Variants in CAVIN1 observed in about 807,000 individuals in gnomAD.
CAVIN1 encodes the protein caveolae associated protein 1.
CAVIN1 carries 16 observed loss-of-function variants against 24.0 expected under a neutral mutation model. The observed-to-expected ratio is 0.67, with a 90% CI of 0.45 to 1.01. The LOEUF (loss-of-function observed/expected upper bound fraction) is 1.01, where lower values mean the gene tolerates loss of function less well. Among genes scored for constraint, CAVIN1 ranks in the 50% least tolerant of loss-of-function variants. The pLI is 0.00. For missense variants in CAVIN1, 510 were observed against 551.7 expected (o/e 0.92, Z 0.76); for synonymous variants, 256 against 256.4 (o/e 1.00, Z 0.02).
chr17:42,407,860 CTT>C (rs1427500837), intron 1 of CAVIN1, among the ~76,000 whole-genome samples: 5 of 152,144 alleles, frequency 3.3e-5, no homozygotes, highest in Non-Finnish European at 1.5e-5. Flanking sequence ...CTCAACTTCT[CTT>C]TGCATTCCCT....
chr17:42,408,596 A>G (rs529368168), intron 1 of CAVIN1, among the ~76,000 whole-genome samples: 13 of 151,748 alleles, frequency 8.6e-5, no homozygotes, highest in African/African-American at 2.9e-4. Context: ...GGTTCAAGCA[A>G]TTCTCCTGCC....
At position 42,408,510 on chromosome 17, in the gene CAVIN1, A is replaced by G. The variant is rs2085458434; in HGVS notation, c.472-3122T>C. Among the ~76,000 whole-genome samples the G allele has an allele frequency of 2.6e-5, 4 of 151,630 alleles. No individual in the cohort carries two copies. In the East Asian group the frequency reaches 5.8e-4, roughly 22 times the overall value. ...TTTTTTAGTTTTTTTGTTTTTTTTG[A>G]GATGGAGTTTTGCTCTTGCTCCCCA... On this transcript the variant is annotated intron_variant, in intron 1 of 1. Transcript: ENST00000357037.
At chr17:42,411,719 G>A in intron 1 of CAVIN1, 1 of 985,448 alleles carries the variant, frequency 1.0e-6, no homozygotes, top group South Asian at 4.7e-5. Context: ...TCAGGAGGAG[G>A]CAGCAGGGGG....
chr17:42,411,207 A>AAAAAAAAC (rs758609413), intron 1 of CAVIN1, among the ~76,000 whole-genome samples: 7 of 127,616 alleles, frequency 5.5e-5, no homozygotes, highest in Non-Finnish European at 1.2e-4. Flanking sequence ...AAAAAAAAAA[A>AAAAAAAAC]AACTAAAAGG....
chr17:42,406,470 G>A (rs2085447450), intron 1 of CAVIN1, among the ~76,000 whole-genome samples: 1 of 151,830 alleles, frequency 6.6e-6, no homozygotes, highest in Non-Finnish European at 1.5e-5. Flanking sequence ...TGCCTCCCAG[G>A]TTCAAGCAAT....
rs934919860 is a variant in CAVIN1 at position 42,413,533 on chromosome 17, T to C, written c.472-8145A>G. Among the ~76,000 whole-genome samples the C allele has an allele frequency of 3.3e-5, 4 of 121,370 alleles. No homozygotes were observed. In the South Asian group the frequency reaches 1.1e-3, roughly 33 times the overall value. The allele number at this position is 121,370 out of a possible 152,430, so 79.6% of individuals were successfully genotyped here. A position where few individuals can be genotyped will look rare whatever the true frequency, so the allele number is the denominator to read the frequency against. On this transcript the variant is annotated intron_variant, in intron 1 of 1. Transcript: ENST00000357037. ...GAGGTCCAGCCACTTCACTCTAGCC[T>C]GGGCGACAGAGCAAAAGTCTGTCTC... is the stretch of plus-strand genomic sequence containing the variant.
rs2085428262 is a variant in CAVIN1 at position 42,404,258 on chromosome 17, C to CT, written c.*428dup. On this transcript the variant is annotated 3_prime_UTR_variant, in exon 2 of 2. Coordinates refer to ENST00000357037, the MANE Select transcript of CAVIN1 (RefSeq NM_012232.6). ...TCCCCTTTAGGATTCAATCTTTCCT[C>CT]TTTGGGCAGTTTTGGCTTTGAGTCC... The CT allele has an allele frequency of 6.3e-6, 1 of 158,196 alleles. No homozygotes were observed. The highest frequency in any genetic ancestry group is 1.4e-5 in the Non-Finnish European group (1 of 72,292). The allele number at this position is 158,196 out of a possible 1,614,324, so 9.8% of individuals were successfully genotyped here.
chr17:42,404,499 G>T lies in CAVIN1; in HGVS notation c.*188C>A, dbSNP rs554958297. Reference sequence around the variant, plus strand: ...CTCGGACTGTGTCCAAGCGGGGGTTGTCCACTGCGGGGGCTGCCTCCCCAT... The same window carrying T: ...CTCGGACTGTGTCCAAGCGGGGGTTTTCCACTGCGGGGGCTGCCTCCCCAT... On this transcript the variant is annotated 3_prime_UTR_variant, in exon 2 of 2. Transcript: ENST00000357037. The T allele has an allele frequency of 2.1e-4, 99 of 471,524 alleles. No homozygotes were observed. The highest frequency in any genetic ancestry group is 1.9e-3 in the African/African-American group (91 of 47,786). The allele number at this position is 471,524 out of a possible 1,614,324, so 29.2% of individuals were successfully genotyped here.
chr17:42,405,829 AG>A (rs1386191449), intron 1 of CAVIN1, among the ~76,000 whole-genome samples: 1 of 151,708 alleles, frequency 6.6e-6, no homozygotes, highest in African/African-American at 2.4e-5. Flanking sequence ...CTGGGATTAC[AG>A]GCGCCCGCCA....
intron 1 of CAVIN1, among the ~76,000 whole-genome samples, chr17:42,414,877 C>T (rs962984676): frequency 4.0e-5 from 6 of 151,824 alleles, no homozygotes; most frequent in Admixed American, 1.3e-4. Flanking sequence ...CAGGGCACAC[C>T]ACGGCTGACC....
At chr17:42,409,603 G>A (rs577277306) in intron 1 of CAVIN1, among the ~76,000 whole-genome samples, 2 of 152,130 alleles carry the variant, frequency 1.3e-5, no homozygotes, top group African/African-American at 4.8e-5. Flanking sequence ...CTCTGGAGAG[G>A]GTATTTCACC....
intron 1 of CAVIN1, chr17:42,412,331 A>G: frequency 1.0e-6 from 1 of 974,186 alleles, no homozygotes; most frequent in Non-Finnish European, 1.2e-6. Flanking sequence ...GGTGGCATGC[A>G]GAGTAGGGGC....
In CAVIN1 at chr17:42,404,034, A is replaced by G. The variant is rs2085427048; in HGVS notation, c.*653T>C. 2 of 152,662 alleles carry G rather than the reference A, an allele frequency of 1.3e-5. No homozygotes were observed. Among genetic ancestry groups the G allele is most frequent in the Non-Finnish European group, 2.9e-5 (2 of 68,380 alleles). 9.5% of individuals were successfully genotyped at this position (152,662 alleles called of 1,614,324 possible). ...AACACATCAGTGTGCCATCCCTCAC[A>G]TGCATGTCGTTCCCCACCCCTCCTT... is the stretch of plus-strand genomic sequence containing the variant. On this transcript the variant is annotated 3_prime_UTR_variant, in exon 2 of 2. Coordinates refer to ENST00000357037, the MANE Select transcript of CAVIN1 (RefSeq NM_012232.6).
At chr17:42,414,420 T>C (rs2145481672) in intron 1 of CAVIN1, among the ~76,000 whole-genome samples, 1 of 152,144 alleles carries the variant, frequency 6.6e-6, no homozygotes, top group East Asian at 1.9e-4. Context: ...TATTTTTTTT[T>C]TTAAGATAGA....
intron 1 of CAVIN1, among the ~76,000 whole-genome samples, chr17:42,409,361 A>G (rs1325698941): frequency 6.6e-6 from 1 of 152,140 alleles, no homozygotes; most frequent in African/African-American, 2.4e-5. Flanking sequence ...TCGGCCTCCC[A>G]AAGTGCTGAG....
chr17:42,404,677 C>A lies in CAVIN1; in HGVS notation c.*10G>T. ...GAGCGAGGAATGGGGTGGGTGGCAG[C>A]GGGGGCGGCTCAGTCGCTGTCGCTC... On this transcript the variant is annotated 3_prime_UTR_variant, in exon 2 of 2. Coordinates refer to ENST00000357037, the MANE Select transcript of CAVIN1 (RefSeq NM_012232.6). 7.0e-7 allele frequency: 1 copy of A among 1,429,004 alleles called. No individual in the cohort carries two copies. The allele number at this position is 1,429,004 out of a possible 1,614,324, so 88.5% of individuals were successfully genotyped here. A position where few individuals can be genotyped will look rare whatever the true frequency, so the allele number is the denominator to read the frequency against.
intron 1 of CAVIN1, among the ~76,000 whole-genome samples, chr17:42,405,695 T>TTTG (rs1555586092): frequency 3.0e-5 from 4 of 134,292 alleles, no homozygotes; most frequent in African/African-American, 1.1e-4. Flanking sequence ...TTTTTTTTTT[T>TTTG]TTTTTTTTTT....
At chr17:42,422,505 G>T in intron 1 of CAVIN1, 122 bp downstream of exon 1, 3 of 185,318 alleles carry the variant, frequency 1.6e-5, no homozygotes, top group South Asian at 7.7e-5. Context: ...TGGATCTGCC[G>T]GGCGCCCGGG....
chr17:42,408,268 C>A (rs988271182), intron 1 of CAVIN1, among the ~76,000 whole-genome samples: 2 of 151,940 alleles, frequency 1.3e-5, no homozygotes, highest in Non-Finnish European at 2.9e-5. Context: ...TCTCCCCTAC[C>A]CCTGCTGCCT....
Sources: gnomAD v4.1 joint callset for allele counts (sites outside exome capture counted in the v4.1 genomes callset) on GRCh38, gnomAD v4.1.1 for gene constraint, MANE v1.5 for transcripts, NCBI Gene and HGNC (gene_info 2026-07-23, HGNC 2026-07-21) for gene names.